Variants in PLEKHA6 observed in about 807,000 individuals in gnomAD.
The protein encoded by PLEKHA6 is pleckstrin homology domain-containing family A member 6.
In PLEKHA6, 60 loss-of-function variants were observed where a neutral mutation model predicts 116.7. The observed-to-expected ratio is 0.51, with a 90% CI of 0.42 to 0.64. PLEKHA6 has a LOEUF of 0.64. Ranked by LOEUF, PLEKHA6 falls within the 30% of genes least tolerant of loss-of-function variation. The pLI is 0.00. For synonymous variants in PLEKHA6, 489 were observed against 556.1 expected (o/e 0.88, Z 1.70); for missense variants, 1,338 against 1,422.7 (o/e 0.94, Z 0.96).
intron 1 of PLEKHA6, among the ~76,000 whole-genome samples, chr1:204,376,782 T>C (rs1469888710): frequency 1.3e-5 from 2 of 152,212 alleles, no homozygotes; most frequent in Admixed American, 6.5e-5. Flanking sequence ...GTGGCTATCT[T>C]GAGGAAGGAA....
At chr1:204,247,302 C>T (rs1663831546) in intron 13 of PLEKHA6, 63 bp downstream of exon 13, 11 of 1,015,960 alleles carry the variant, frequency 1.1e-5, no homozygotes, top group South Asian at 6.5e-5. Context: ...GCTTTTGTCT[C>T]GAGGCCAACT....
intron 1 of PLEKHA6, chr1:204,327,027 G>A (rs1161400651): frequency 4.1e-6 from 4 of 985,006 alleles, no homozygotes; most frequent in Non-Finnish European, 4.8e-6. Flanking sequence ...CAGCTACTTG[G>A]GTTTCAGCCT....
At chr1:204,249,548 A>G (rs950914709) in intron 10 of PLEKHA6, among the ~76,000 whole-genome samples, 10 of 152,186 alleles carry the variant, frequency 6.6e-5, no homozygotes, top group African/African-American at 1.2e-4. Flanking sequence ...AAGGGTTGCA[A>G]TTCACAAAGG....
Position 204,257,303 on chromosome 1 carries a change from C to A in PLEKHA6, c.1524+50G>T. 6.6e-7 allele frequency: 1 copy of A among 1,521,142 alleles called. No individual in the cohort carries two copies. The highest frequency in any genetic ancestry group is 2.0e-5 in the Admixed American group (1 of 50,996). The allele number at this position is 1,521,142 out of a possible 1,614,324, so 94.2% of individuals were successfully genotyped here. A position where few individuals can be genotyped will look rare whatever the true frequency, so the allele number is the denominator to read the frequency against. On this transcript the variant is annotated intron_variant, in intron 9 of 22. Coordinates refer to ENST00000272203, the MANE Select transcript of PLEKHA6 (RefSeq NM_014935.5). This position sits in a 1 kb window ranked among gnomAD's most constrained non-coding sequence, Gnocchi z 6.5. ...CCTTTTCTCAGTAGATGGTCTTAGG[C>A]TTCTGGGGACCTCAGGGGATGAGGA...
At chr1:204,322,692 T>C (rs6672429) in intron 1 of PLEKHA6, among the ~76,000 whole-genome samples, 111,650 of 152,018 alleles carry the variant, frequency 0.73, 41,524 homozygotes, top group Middle Eastern at 0.8. Flanking sequence ...TGGTCTACTC[T>C]GCACCAGCCA....
intron 1 of PLEKHA6, among the ~76,000 whole-genome samples, chr1:204,276,705 C>T (rs940952414): frequency 1.3e-5 from 2 of 151,708 alleles, no homozygotes; most frequent in African/African-American, 2.4e-5. Context: ...CAGTCTGCTG[C>T]CAACCATCAC....
intron 1 of PLEKHA6, among the ~76,000 whole-genome samples, chr1:204,356,401 A>G (rs1673417153): frequency 1.3e-5 from 2 of 152,058 alleles, no homozygotes; most frequent in South Asian, 4.1e-4. Context: ...GGCCAACTCT[A>G]TCAAAAATAC....
rs1342386982 is a variant in PLEKHA6, at chr1:204,223,014, T to C, written c.*9-235A>G. Among the ~76,000 whole-genome samples the C allele has an allele frequency of 2.6e-5, 4 of 152,164 alleles. No homozygotes were observed. The highest frequency in any genetic ancestry group is 5.9e-5 in the Non-Finnish European group (4 of 68,034). Reference sequence around the variant, plus strand: ...AGGGTTCACAGCCTTTGGCCGTAGTTGTCAATGTTATTTTAATTTACAGTA... The same window carrying C: ...AGGGTTCACAGCCTTTGGCCGTAGTCGTCAATGTTATTTTAATTTACAGTA... On this transcript the variant is annotated intron_variant, in intron 22 of 22. Coordinates refer to ENST00000272203, the MANE Select transcript of PLEKHA6 (RefSeq NM_014935.5). The surrounding 1 kb of genome is among the most constrained non-coding windows in gnomAD (Gnocchi z 4.8).
intron 1 of PLEKHA6, among the ~76,000 whole-genome samples, chr1:204,279,464 A>G (rs1167406312): frequency 1.3e-5 from 2 of 152,228 alleles, no homozygotes; most frequent in Non-Finnish European, 2.9e-5. Context: ...TAAAAAGGGA[A>G]ACAAGGACAG....
At chr1:204,255,116 C>G (rs1205053853) in intron 9 of PLEKHA6, among the ~76,000 whole-genome samples, 15 of 152,148 alleles carry the variant, frequency 9.9e-5, no homozygotes, top group Non-Finnish European at 5.9e-5. Context: ...TTTGGAGGAA[C>G]TAATGAATAC....
At chr1:204,258,209 C>T (rs1036290166) in intron 8 of PLEKHA6, among the ~76,000 whole-genome samples, 1 of 152,160 alleles carries the variant, frequency 6.6e-6, no homozygotes, top group Admixed American at 6.5e-5. Flanking sequence ...AGAAAGTCTA[C>T]CAGGCACCTG....
At chr1:204,359,556 G>A in intron 1 of PLEKHA6, 138 bp downstream of exon 1, 2 of 963,378 alleles carry the variant, frequency 2.1e-6, no homozygotes, top group Non-Finnish European at 2.5e-6. Flanking sequence ...AGGCTGCCAA[G>A]GATGAGAGAT....
At chr1:204,272,788 G>C (rs1667605743) in intron 3 of PLEKHA6, among the ~76,000 whole-genome samples, 1 of 152,116 alleles carries the variant, frequency 6.6e-6, no homozygotes, top group South Asian at 2.1e-4. Flanking sequence ...CTCATATTCT[G>C]CCACTTGCTT....
intron 12 of PLEKHA6, 117 bp downstream of exon 12, chr1:204,248,704 G>A (rs1043278930): frequency 1.5e-5 from 13 of 849,472 alleles, no homozygotes; most frequent in Non-Finnish European, 1.9e-5. Context: ...CTGCACGGGA[G>A]TACTCAGCTC....
intron 1 of PLEKHA6, among the ~76,000 whole-genome samples, chr1:204,340,251 C>T (rs1221407964): frequency 6.6e-6 from 1 of 152,140 alleles, no homozygotes; most frequent in African/African-American, 2.4e-5. Context: ...TGTTAGAAAA[C>T]AAACCCTCTG....
At chr1:204,328,879 A>T (rs116220869) in intron 1 of PLEKHA6, among the ~76,000 whole-genome samples, 2,555 of 152,298 alleles carry the variant, frequency 0.017, 63 homozygotes, top group African/African-American at 0.055. Flanking sequence ...ATTCATAACA[A>T]CCTTATAAGG....
At chr1:204,239,545 G>A (rs945927874) in intron 17 of PLEKHA6, among the ~76,000 whole-genome samples, 5 of 152,160 alleles carry the variant, frequency 3.3e-5, no homozygotes, top group African/African-American at 7.2e-5. Context: ...CTTATCCACC[G>A]TCATGGTATT....
At chr1:204,243,652 A>G (rs970999130) in intron 15 of PLEKHA6, among the ~76,000 whole-genome samples, 7 of 152,056 alleles carry the variant, frequency 4.6e-5, no homozygotes, top group Non-Finnish European at 8.8e-5. Flanking sequence ...TTTAGGCCCC[A>G]CTGTCTGTTG....
chr1:204,258,620 T>C (rs1188356787), intron 8 of PLEKHA6, among the ~76,000 whole-genome samples: 2 of 152,258 alleles, frequency 1.3e-5, no homozygotes, highest in Non-Finnish European at 2.9e-5. Context: ...CTGCAGTCCC[T>C]GGAGCTGCCC....
Sources: gnomAD v4.1 joint callset for allele counts (sites outside exome capture counted in the v4.1 genomes callset) on GRCh38, gnomAD v4.1.1 for gene constraint, Gnocchi (gnomAD v3.1) non-coding constraint, MANE v1.5 for transcripts, NCBI Gene and HGNC (gene_info 2026-07-23, HGNC 2026-07-21) for gene names.